Variants in ZGRF1 observed in about 807,000 individuals in gnomAD.
ZGRF1 encodes the protein 5'-3' DNA helicase ZGRF1.
ZGRF1 carries 196 observed loss-of-function variants against 203.5 expected under a neutral mutation model. That is an observed-to-expected ratio of 0.96 (90% confidence interval 0.86 to 1.08). ZGRF1 has a LOEUF of 1.08. ZGRF1 is among the 50% of genes least tolerant of loss of function. ZGRF1 has a pLI of 0.00. For synonymous variants in ZGRF1, 809 were observed against 841.3 expected (o/e 0.96, Z 0.66); for missense variants, 2,326 against 2,416.3 (o/e 0.96, Z 0.78).
intron 15 of ZGRF1, 90 bp from the exon 16 acceptor site, chr4:112,581,892 G>A: frequency 5.2e-6 from 3 of 578,506 alleles, no homozygotes; most frequent in South Asian, 7.1e-5. Context: ...AAAGAACCAG[G>A]GTTTCATATG....
chr4:112,628,523 A>T (rs1252390926), intron 3 of ZGRF1: 1 of 452,012 alleles, frequency 2.2e-6, no homozygotes, highest in Non-Finnish European at 4.4e-6. Flanking sequence ...CAGAATTTAG[A>T]TAGAGAAAAG....
chr4:112,622,854 T>C (rs550435267), intron 4 of ZGRF1, among the ~76,000 whole-genome samples: 28 of 152,312 alleles, frequency 1.8e-4, no homozygotes, highest in Non-Finnish European at 1.6e-4. Context: ...CAGGAGTACA[T>C]GTGCAGGTTT....
chr4:112,539,516 C>T lies in ZGRF1; in HGVS notation c.*31G>A. ...ATCATGTAAAATGAGTCTGAATTTA[C>T]ATAAATACAAAATATTTACACCATG... On this transcript the variant is annotated 3_prime_UTR_variant, in exon 28 of 28. Coordinates refer to ENST00000505019, the MANE Select transcript of ZGRF1 (RefSeq NM_018392.5). The T allele has an allele frequency of 9.2e-7, 1 of 1,082,818 alleles. No homozygotes were observed. The allele number at this position is 1,082,818 out of a possible 1,614,324, so 67.1% of individuals were successfully genotyped here. A position where few individuals can be genotyped will look rare whatever the true frequency, so the allele number is the denominator to read the frequency against.
intron 6 of ZGRF1, among the ~76,000 whole-genome samples, chr4:112,614,757 G>A (rs1275136674): frequency 6.6e-6 from 1 of 152,120 alleles, no homozygotes; most frequent in Admixed American, 6.6e-5. Context: ...AACCCAGGAG[G>A]CGGAGGTTGC....
intron 10 of ZGRF1, among the ~76,000 whole-genome samples, chr4:112,598,980 G>A (rs1342618185): frequency 6.6e-6 from 1 of 152,112 alleles, no homozygotes; most frequent in Non-Finnish European, 1.5e-5. Context: ...GAGCCTGGGA[G>A]ACAGAGGTTG....
intron 10 of ZGRF1, among the ~76,000 whole-genome samples, chr4:112,590,245 A>G (rs1485168744): frequency 3.3e-5 from 5 of 152,196 alleles, no homozygotes; most frequent in Admixed American, 6.5e-5. Flanking sequence ...AAACTCAAGG[A>G]CTGAACAGTT....
chr4:112,618,703 CCTT>C lies in ZGRF1; in HGVS notation c.1336_1338del (p.Lys446del). The C allele has an allele frequency of 6.2e-7, 1 of 1,611,528 alleles. No homozygotes were observed. Among genetic ancestry groups the C allele is most frequent in the East Asian group, 2.2e-5 (1 of 44,830 alleles). ...ATGAGAACTGATCCTTTAATGCACCCCTTGTCATTTTGATTAAAAGGTATTTTA... is the reference window on the plus strand; with the variant it reads ...ATGAGAACTGATCCTTTAATGCACCCGTCATTTTGATTAAAAGGTATTTTA... On this transcript the variant is annotated inframe_deletion, in exon 6 of 28. Transcript: ENST00000505019.
chr4:112,576,617 A>G (rs1745281355), intron 16 of ZGRF1, among the ~76,000 whole-genome samples: 1 of 152,200 alleles, frequency 6.6e-6, no homozygotes, highest in African/African-American at 2.4e-5. Context: ...TGGCACGAGA[A>G]CTGCATGATA....
rs769700779 is a variant in ZGRF1, at chr4:112,558,320, TAA to T, written c.4961-13_4961-12del. ...CTGCTCCAAACACACCTAATTATTT[TAA>T]AAGAAGAAAAAAATAAAAAGCATAA... is the stretch of plus-strand genomic sequence containing the variant. On this transcript the variant is annotated splice_polypyrimidine_tract_variant and intron_variant, in intron 19 of 27. Transcript: ENST00000505019. 1 of 1,491,466 alleles carries T rather than the reference TAA, an allele frequency of 6.7e-7. No individual in the cohort carries two copies. Among genetic ancestry groups the T allele is most frequent in the South Asian group, 1.4e-5 (1 of 70,474 alleles). 92.4% of individuals were successfully genotyped at this position (1,491,466 alleles called of 1,614,324 possible). A position where few individuals can be genotyped will look rare whatever the true frequency, so the allele number is the denominator to read the frequency against.
chr4:112,636,282 TATAC>T (rs1187866238), intron 1 of ZGRF1, among the ~76,000 whole-genome samples: 1 of 152,180 alleles, frequency 6.6e-6, no homozygotes, highest in Admixed American at 6.5e-5. Context: ...CATACACACA[TATAC>T]ATACATATAC....
chr4:112,595,509 G>T (rs77348436), intron 10 of ZGRF1, among the ~76,000 whole-genome samples: 205 of 151,854 alleles, frequency 1.3e-3, no homozygotes, highest in African/African-American at 4.8e-3. Context: ...CTTGAGGATA[G>T]GAGACCAGCC....
chr4:112,619,772 G>T, intron 5 of ZGRF1, 82 bp from the exon 6 acceptor site: 1 of 1,174,822 alleles, frequency 8.5e-7, no homozygotes, highest in Non-Finnish European at 1.2e-6. Flanking sequence ...AAAAAAAGGA[G>T]AAGGATTGTT....
At chr4:112,564,247 A>G (rs1296748211) in intron 16 of ZGRF1, among the ~76,000 whole-genome samples, 1 of 152,224 alleles carries the variant, frequency 6.6e-6, no homozygotes, top group Non-Finnish European at 1.5e-5. Context: ...CTTTCAGGAA[A>G]GCTGACCTTC....
chr4:112,591,230 C>T (rs75217927), intron 10 of ZGRF1, among the ~76,000 whole-genome samples: 4,160 of 152,124 alleles, frequency 0.027, 163 homozygotes, highest in East Asian at 0.19. Context: ...TCTTATTTTC[C>T]TTATTTTACA....
At chr4:112,584,724 T>C (rs913395181) in intron 14 of ZGRF1, among the ~76,000 whole-genome samples, 1 of 152,202 alleles carries the variant, frequency 6.6e-6, no homozygotes, top group African/African-American at 2.4e-5. Flanking sequence ...TACTCATGAA[T>C]TTTTGCTTTT....
chr4:112,558,380 T>G, intron 19 of ZGRF1, 71 bp from the exon 20 acceptor site: 1 of 1,297,382 alleles, frequency 7.7e-7, no homozygotes, highest in Non-Finnish European at 1.0e-6. Flanking sequence ...TTTCTTTTTC[T>G]TGAGACAGAG....
intron 10 of ZGRF1, among the ~76,000 whole-genome samples, chr4:112,601,066 G>A (rs1749874821): frequency 2.0e-5 from 3 of 149,482 alleles, no homozygotes; most frequent in African/African-American, 7.4e-5. Context: ...TCACGCCACT[G>A]CACTCCAGCC....
Position 112,558,178 on chromosome 4 carries a change from T to C in ZGRF1, c.5092A>G (p.Asn1698Asp). 1 of 1,607,424 alleles carries C rather than the reference T, an allele frequency of 6.2e-7. No individual in the cohort carries two copies. The highest frequency in any genetic ancestry group is 8.5e-7 in the Non-Finnish European group (1 of 1,177,990). The change falls in exon 20 of 28, where the codon AAT becomes GAT. Residue 1698 changes from asparagine (N) to aspartate (D), a missense_variant. Coordinates refer to ENST00000505019, the MANE Select transcript of ZGRF1 (RefSeq NM_018392.5). ...AGAAGTACTCTGTCAACAGCCACAT[T>C]AGTAGAAGAAGAAATCAGAAGTTTC... ...PWKLLISSST[N>D]VAVDRVLLGL... is the part of the protein sequence containing the mutation.
intron 19 of ZGRF1, 27 bp from the exon 20 acceptor site, chr4:112,558,336 T>C: frequency 1.4e-6 from 2 of 1,446,220 alleles, no homozygotes; most frequent in Non-Finnish European, 1.8e-6. Flanking sequence ...AAGAAAAAAA[T>C]AAAAAGCATA....
Sources: gnomAD v4.1 joint callset for allele counts (sites outside exome capture counted in the v4.1 genomes callset) on GRCh38, gnomAD v4.1.1 for gene constraint, MANE v1.5 for transcripts, NCBI Gene and HGNC (gene_info 2026-07-23, HGNC 2026-07-21) for gene names.